Variants in POFUT3 observed in about 807,000 individuals in gnomAD.
POFUT3 encodes the protein GDP-fucose protein O-fucosyltransferase 3.
At chr8:33,324,244 G>A in the POFUT3 span, among the ~76,000 whole-genome samples, 6 of 152,280 alleles carry the variant, frequency 3.9e-5, no homozygotes, top group Admixed American at 3.9e-4. Context: ...AGCAAGGGAG[G>A]CTGGAAATGT....
chr8:33,453,544 C>G, the POFUT3 span: 1 of 1,525,042 alleles, frequency 6.6e-7, no homozygotes, highest in Non-Finnish European at 8.9e-7. Context: ...CAGTGTCAAA[C>G]TGTTTGATTT....
At chr8:33,378,268 C>A in the POFUT3 span, among the ~76,000 whole-genome samples, 1 of 152,102 alleles carries the variant, frequency 6.6e-6, no homozygotes, top group Non-Finnish European at 1.5e-5. Context: ...TAAGCCACTG[C>A]GGGAGCAGTA....
At chr8:33,345,791 G>A in the POFUT3 span, among the ~76,000 whole-genome samples, 1 of 151,656 alleles carries the variant, frequency 6.6e-6, no homozygotes, top group Admixed American at 6.6e-5. Flanking sequence ...GAGGAAAGAA[G>A]ACAGTAAAGC....
the POFUT3 span, among the ~76,000 whole-genome samples, chr8:33,355,546 A>G: frequency 9.8e-5 from 15 of 152,312 alleles, no homozygotes; most frequent in Middle Eastern, 3.4e-3. Flanking sequence ...ATGCATTACC[A>G]TAAACCAACT....
At chr8:33,312,564 T>C in the POFUT3 span, among the ~76,000 whole-genome samples, 1 of 152,136 alleles carries the variant, frequency 6.6e-6, no homozygotes, top group African/African-American at 2.4e-5. Flanking sequence ...ATATTCCAAG[T>C]AAAGTTTTTC....
At chr8:33,402,980 A>C in the POFUT3 span, among the ~76,000 whole-genome samples, 1 of 151,926 alleles carries the variant, frequency 6.6e-6, no homozygotes, top group Admixed American at 6.6e-5. Context: ...AGAATCACTT[A>C]AGCCCAGGAG....
chr8:33,455,829 G>A, the POFUT3 span: 1 of 455,878 alleles, frequency 2.2e-6, no homozygotes, highest in East Asian at 7.0e-5. Context: ...TTGAAGCATT[G>A]CATGGAGTCT....
chr8:33,443,105 C>T, the POFUT3 span, among the ~76,000 whole-genome samples: 1 of 152,106 alleles, frequency 6.6e-6, no homozygotes, highest in East Asian at 1.9e-4. Flanking sequence ...AGAGCCAGAA[C>T]CTGCCTACGA....
the POFUT3 span, among the ~76,000 whole-genome samples, chr8:33,405,888 A>G: frequency 6.6e-6 from 1 of 152,242 alleles, no homozygotes; most frequent in Admixed American, 6.5e-5. Context: ...AGCTTACAAA[A>G]TTTAATTAAC....
the POFUT3 span, among the ~76,000 whole-genome samples, chr8:33,375,679 A>T: frequency 6.6e-6 from 1 of 152,180 alleles, no homozygotes; most frequent in Non-Finnish European, 1.5e-5. Context: ...ATATTCAAAC[A>T]CTGAATATAA....
the POFUT3 span, among the ~76,000 whole-genome samples, chr8:33,426,807 G>A: frequency 1.3e-5 from 2 of 152,178 alleles, no homozygotes; most frequent in African/African-American, 4.8e-5. Context: ...TCAGAATGCT[G>A]AAATCGGCAC....
chr8:33,338,276 A>C, the POFUT3 span, among the ~76,000 whole-genome samples: 4 of 152,142 alleles, frequency 2.6e-5, no homozygotes, highest in African/African-American at 7.2e-5. Context: ...GAAACCTCCC[A>C]ACAACCTTCT....
chr8:33,416,086 T>G, the POFUT3 span, among the ~76,000 whole-genome samples: 1 of 152,014 alleles, frequency 6.6e-6, no homozygotes, highest in South Asian at 2.1e-4. Flanking sequence ...CATTATTGCA[T>G]CCAGAAAACA....
At chr8:33,409,204 G>C in the POFUT3 span, among the ~76,000 whole-genome samples, 1 of 152,192 alleles carries the variant, frequency 6.6e-6, no homozygotes, top group Admixed American at 6.5e-5. Flanking sequence ...CCGGATTCAA[G>C]CAATTCTCCT....
the POFUT3 span, among the ~76,000 whole-genome samples, chr8:33,395,879 C>A: frequency 6.6e-6 from 1 of 152,130 alleles, no homozygotes; most frequent in East Asian, 1.9e-4. Flanking sequence ...GGGGTTTGAG[C>A]ATGGAGGCCA....
the POFUT3 span, among the ~76,000 whole-genome samples, chr8:33,421,820 CA>C: frequency 1.3e-5 from 2 of 152,128 alleles, no homozygotes; most frequent in South Asian, 4.1e-4. Context: ...CTGCCCAAGC[CA>C]AATCTCTAAT....
chr8:33,434,796 G>A, the POFUT3 span, among the ~76,000 whole-genome samples: 1 of 152,116 alleles, frequency 6.6e-6, no homozygotes. Flanking sequence ...GCCACTGCAG[G>A]GCAGCTCCTC....
chr8:33,409,081 A>G, the POFUT3 span, among the ~76,000 whole-genome samples: 3,641 of 152,112 alleles, frequency 0.024, 138 homozygotes, highest in African/African-American at 0.082. Context: ...CATATCAAAG[A>G]TCTATGGTCA....
the POFUT3 span, among the ~76,000 whole-genome samples, chr8:33,402,308 TCTACCAGGTAGATATGG>T: frequency 3.3e-5 from 5 of 152,200 alleles, no homozygotes; most frequent in Non-Finnish European, 7.3e-5. Context: ...AGCAAGTCTA[TCTACCAGGTAGATATGG>T]AAACTGCCAA....
Sources: gnomAD v4.1 joint callset for allele counts (sites outside exome capture counted in the v4.1 genomes callset) on GRCh38, gnomAD v4.1.1 for gene constraint, MANE v1.5 for transcripts, NCBI Gene and HGNC (gene_info 2026-07-23, HGNC 2026-07-21) for gene names.